NUDT3: variants seen among roughly 807,000 people sequenced by gnomAD.
The protein encoded by NUDT3 is diphosphoinositol polyphosphate phosphohydrolase 1.
Under a neutral mutation model 23.6 loss-of-function variants are expected in NUDT3, and 9 were observed. The observed-to-expected ratio is 0.38, with a 90% CI of 0.23 to 0.66. The LOEUF is 0.66. Among genes scored for constraint, NUDT3 ranks in the 30% least tolerant of loss-of-function variants. The pLI is 0.52. For synonymous variants in NUDT3, 86 were observed against 82.6 expected (o/e 1.04, Z -0.22); for missense variants, 172 against 218.5 (o/e 0.79, Z 1.34).
intron 2 of NUDT3, among the ~76,000 whole-genome samples, chr6:34,308,705 C>T (rs1257327314): frequency 1.3e-5 from 2 of 152,076 alleles, no homozygotes; most frequent in Non-Finnish European, 2.9e-5. Flanking sequence ...AATAGAGAAA[C>T]ATTACACAAT....
At chr6:34,315,567 C>A (rs1763844789) in intron 2 of NUDT3, among the ~76,000 whole-genome samples, 1 of 152,034 alleles carries the variant, frequency 6.6e-6, no homozygotes, top group Admixed American at 6.6e-5. Context: ...TAAGACAGAG[C>A]ACAACCCTGT....
rs546880185 is a variant in NUDT3, at chr6:34,331,880, C to CT, written c.210+9981dup. Among the ~76,000 whole-genome samples the CT allele has an allele frequency of 2.0e-3, 299 of 151,416 alleles. 1 individual carries two copies. The highest frequency in any genetic ancestry group is 3.7e-3 in the Non-Finnish European group (251 of 67,748). On this transcript the variant is annotated intron_variant, in intron 2 of 4. Transcript: ENST00000607016. ...CCACGCAGTCAAACATCTGTGTATA[C>CT]TTTTTTTTTGTTAACAGACAGGGTC...
chr6:34,357,318 A>G (rs1462919457), intron 1 of NUDT3, among the ~76,000 whole-genome samples: 7 of 152,024 alleles, frequency 4.6e-5, no homozygotes, highest in Non-Finnish European at 1.0e-4. Context: ...GTTTTCCATA[A>G]TAAAAGGTTT....
At chr6:34,321,760 G>A (rs184243209) in intron 2 of NUDT3, among the ~76,000 whole-genome samples, 46 of 152,178 alleles carry the variant, frequency 3.0e-4, no homozygotes, top group African/African-American at 1.0e-3. Context: ...ATGAGCATCA[G>A]GAAGCACACA....
Position 34,283,979 on chromosome 6 carries a change from G to A in NUDT3, c.*4774C>T, listed in dbSNP as rs1763307758. ...ATGACTCTAGGGTGCTCTCCCACTTGCTCCAAGTTAGGCAGGTGCCCTGAT... is the reference window on the plus strand; with the variant it reads ...ATGACTCTAGGGTGCTCTCCCACTTACTCCAAGTTAGGCAGGTGCCCTGAT... On this transcript the variant is annotated 3_prime_UTR_variant, in exon 5 of 5. Coordinates refer to ENST00000607016, the MANE Select transcript of NUDT3 (RefSeq NM_006703.4). 6.6e-6 allele frequency: 1 copy of A among 152,208 alleles called. No individual in the cohort carries two copies. The highest frequency in any genetic ancestry group is 1.5e-5 in the Non-Finnish European group (1 of 68,056). The allele number at this position is 152,208 out of a possible 1,614,324, so 9.4% of individuals were successfully genotyped here. A position where few individuals can be genotyped will look rare whatever the true frequency, so the allele number is the denominator to read the frequency against.
chr6:34,354,722 CG>C (rs931903392), intron 1 of NUDT3, among the ~76,000 whole-genome samples: 14 of 124,730 alleles, frequency 1.1e-4, no homozygotes, highest in South Asian at 1.0e-3. Context: ...GACTCTATCT[CG>C]GGGGGGAAAA....
chr6:34,318,854 T>C (rs1041950435), intron 2 of NUDT3, among the ~76,000 whole-genome samples: 1 of 152,134 alleles, frequency 6.6e-6, no homozygotes, highest in African/African-American at 2.4e-5. Flanking sequence ...TGAGCCACCA[T>C]GCCCAGCCTG....
At chr6:34,357,814 T>C (rs937907080) in intron 1 of NUDT3, among the ~76,000 whole-genome samples, 1 of 152,210 alleles carries the variant, frequency 6.6e-6, no homozygotes, top group Non-Finnish European at 1.5e-5. Context: ...TTCATTCATG[T>C]AGGTCCTTCA....
At chr6:34,353,582 T>C (rs1305772917) in intron 1 of NUDT3, among the ~76,000 whole-genome samples, 1 of 152,182 alleles carries the variant, frequency 6.6e-6, no homozygotes, top group Non-Finnish European at 1.5e-5. Flanking sequence ...TTCTATTTTT[T>C]TGGTAGAGAC....
intron 2 of NUDT3, among the ~76,000 whole-genome samples, chr6:34,334,869 G>A (rs180765950): frequency 1.4e-4 from 21 of 151,206 alleles, no homozygotes; most frequent in African/African-American, 4.9e-4. Context: ...GGAGTTTGAG[G>A]TTACAGTGAA....
chr6:34,331,304 T>C (rs76418928), intron 2 of NUDT3, among the ~76,000 whole-genome samples: 12 of 147,116 alleles, frequency 8.2e-5, no homozygotes, highest in East Asian at 1.9e-4. Context: ...TTTTTTTTTT[T>C]CCAAACTTTC....
intron 1 of NUDT3, among the ~76,000 whole-genome samples, chr6:34,384,177 G>GC (rs1396172078): frequency 6.6e-6 from 1 of 152,190 alleles, no homozygotes; most frequent in Non-Finnish European, 1.5e-5. Flanking sequence ...ACCAGTCTCT[G>GC]CCCACTGAAG....
At chr6:34,370,160 A>T (rs1030304244) in intron 1 of NUDT3, among the ~76,000 whole-genome samples, 2 of 152,230 alleles carry the variant, frequency 1.3e-5, no homozygotes, top group African/African-American at 4.8e-5. Context: ...GCCCTAATGG[A>T]TAGTTTCTGC....
rs1036170179 is a variant in NUDT3 at position 34,392,534 on chromosome 6, C to A, written c.-172G>T. On this transcript the variant is annotated 5_prime_UTR_variant, in exon 1 of 5. Coordinates refer to ENST00000607016, the MANE Select transcript of NUDT3 (RefSeq NM_006703.4). ...GCCCGCCGCGGCCGCCTCATTCCCC[C>A]AGGCCCAGGTCCCGCGCCGCCGCTG... 6.5e-6 allele frequency: 3 copies of A among 459,510 alleles called. No individual in the cohort carries two copies. The highest frequency in any genetic ancestry group is 1.1e-5 in the Non-Finnish European group (3 of 261,070). 28.5% of individuals were successfully genotyped at this position (459,510 alleles called of 1,614,324 possible). A position where few individuals can be genotyped will look rare whatever the true frequency, so the allele number is the denominator to read the frequency against.
chr6:34,392,099 C>T (rs760478523), intron 1 of NUDT3, among the ~76,000 whole-genome samples, 165 bp downstream of exon 1: 1 of 152,182 alleles, frequency 6.6e-6, no homozygotes, highest in African/African-American at 2.4e-5. Context: ...CCCCAACGTC[C>T]TTTCTCCTTC....
At chr6:34,330,155 G>GTA (rs957653247) in intron 2 of NUDT3, among the ~76,000 whole-genome samples, 2 of 152,190 alleles carry the variant, frequency 1.3e-5, no homozygotes, top group African/African-American at 4.8e-5. Flanking sequence ...AATCCTTTGG[G>GTA]TATATACCCA....
At chr6:34,390,978 T>C (rs1169207602) in intron 1 of NUDT3, among the ~76,000 whole-genome samples, 1 of 152,170 alleles carries the variant, frequency 6.6e-6, no homozygotes, top group Non-Finnish European at 1.5e-5. Flanking sequence ...ACTTTTACAA[T>C]ATATGGTAGG....
rs1222336246 is a variant in NUDT3, at chr6:34,286,501, A to G, written c.*2252T>C. 3 of 152,186 alleles carry G rather than the reference A, an allele frequency of 2.0e-5. No individual in the cohort carries two copies. The highest frequency in any genetic ancestry group is 7.2e-5 in the African/African-American group (3 of 41,442). The allele number at this position is 152,186 out of a possible 1,614,324, so 9.4% of individuals were successfully genotyped here. On this transcript the variant is annotated 3_prime_UTR_variant, in exon 5 of 5. Coordinates refer to ENST00000607016, the MANE Select transcript of NUDT3 (RefSeq NM_006703.4). ...TTGAATTCCACCTGGCACTTGGTTA[A>G]ATCTACTTTATTTTGCCCTTTATTT... is the stretch of plus-strand genomic sequence containing the variant.
chr6:34,288,805 AC>A lies in NUDT3; in HGVS notation c.466del (p.Val156TrpfsTer19). On this transcript the variant is annotated frameshift_variant, in exon 5 of 5. Coordinates refer to ENST00000607016, the MANE Select transcript of NUDT3 (RefSeq NM_006703.4). LOFTEE classifies it high-confidence loss of function. Reference protein sequence around the residue: ...GYSANNGTPVVATTYSVSAQS... With the variant: ...GYSANNGTPVXATTYSVSAQS... ...AGCAGAAACCGAGTATGTGGTGGCCACGACTGGGGTGCCATTGTTGGCTGAG... is the reference window on the plus strand; with the variant it reads ...AGCAGAAACCGAGTATGTGGTGGCCAGACTGGGGTGCCATTGTTGGCTGAG... 1 of 1,614,092 alleles carries A rather than the reference AC, an allele frequency of 6.2e-7. No individual in the cohort carries two copies. The highest frequency in any genetic ancestry group is 8.5e-7 in the Non-Finnish European group (1 of 1,179,994).
Sources: gnomAD v4.1 joint callset for allele counts (sites outside exome capture counted in the v4.1 genomes callset) on GRCh38, gnomAD v4.1.1 for gene constraint, MANE v1.5 for transcripts, NCBI Gene and HGNC (gene_info 2026-07-23, HGNC 2026-07-21) for gene names.